The following SLC4A4 variants were observed in gnomAD, a reference collection of about 807,000 sequenced individuals.
SLC4A4 encodes electrogenic sodium bicarbonate cotransporter 1.
A neutral mutation model predicts 111.5 loss-of-function variants in SLC4A4; 27 were observed. The observed-to-expected ratio is 0.24, with a 90% CI of 0.18 to 0.33. The LOEUF (loss-of-function observed/expected upper bound fraction) is 0.33, where lower values mean the gene tolerates loss of function less well. SLC4A4 is among the 10% of genes least tolerant of loss of function. The probability of loss-of-function intolerance (pLI) is 1.00; values close to 1 mark genes in which losing one functional copy is unlikely to be tolerated. For missense variants in SLC4A4, 909 were observed against 1,315.5 expected, an observed-to-expected ratio of 0.69 and a Z score of 4.78; for synonymous variants, 443 against 463.4, an observed-to-expected ratio of 0.96 and a Z score of 0.57.
intron 12 of SLC4A4, among the ~76,000 whole-genome samples, chr4:71,464,299 C>G (rs905521265): frequency 6.6e-6 from 1 of 152,198 alleles, no homozygotes; most frequent in Admixed American, 6.5e-5. Flanking sequence ...TATCACTTAA[C>G]TCCCTTGAAT....
At chr4:71,300,023 G>T (rs375979924) in intron 3 of SLC4A4, among the ~76,000 whole-genome samples, 1 of 152,338 alleles carries the variant, frequency 6.6e-6, no homozygotes, top group African/African-American at 2.4e-5. Flanking sequence ...CTTGATGAGA[G>T]GGCAGGAGGA....
At chr4:71,443,114 C>CTATATATA (rs1463451571) in intron 8 of SLC4A4, among the ~76,000 whole-genome samples, 28 of 90,264 alleles carry the variant, frequency 3.1e-4, no homozygotes, top group South Asian at 3.9e-4. Flanking sequence ...CTCTCTCTCT[C>CTATATATA]TCTATATATA....
At chr4:71,094,477 T>G (rs1560716023) in intron 2 of SLC4A4, among the ~76,000 whole-genome samples, 1 of 152,244 alleles carries the variant, frequency 6.6e-6, no homozygotes, top group Non-Finnish European at 1.5e-5. Context: ...TCAAGGAGAT[T>G]TACATTCAGC....
chr4:71,463,644 T>G (rs1457156271), intron 12 of SLC4A4, among the ~76,000 whole-genome samples: 1 of 152,168 alleles, frequency 6.6e-6, no homozygotes, highest in Non-Finnish European at 1.5e-5. Flanking sequence ...ATCAAAGTGG[T>G]TTTCTGGAAG....
chr4:71,090,704 TG>T (rs1359351479), intron 1 of SLC4A4, among the ~76,000 whole-genome samples: 1 of 152,202 alleles, frequency 6.6e-6, no homozygotes, highest in Non-Finnish European at 1.5e-5. Context: ...TGTTCTTTGC[TG>T]GGAAAAATGC....
chr4:71,336,211 C>T (rs1020267108), intron 3 of SLC4A4, among the ~76,000 whole-genome samples: 10 of 152,146 alleles, frequency 6.6e-5, no homozygotes, highest in Non-Finnish European at 1.0e-4. Flanking sequence ...AACCATATAA[C>T]ACTGAAAGTG....
At chr4:71,394,312 A>T (rs1418921949) in intron 6 of SLC4A4, among the ~76,000 whole-genome samples, 1 of 152,076 alleles carries the variant, frequency 6.6e-6, no homozygotes, top group Non-Finnish European at 1.5e-5. Flanking sequence ...TAGTAAGGAA[A>T]AAAAAATCCC....
chr4:71,164,946 G>GA (rs898269413), intron 2 of SLC4A4, among the ~76,000 whole-genome samples: 1 of 152,052 alleles, frequency 6.6e-6, no homozygotes, highest in Non-Finnish European at 1.5e-5. Context: ...ACAAATATAT[G>GA]AAAAAAAGCT....
At chr4:71,402,745 A>G (rs766370463) in intron 7 of SLC4A4, among the ~76,000 whole-genome samples, 19 of 152,222 alleles carry the variant, frequency 1.2e-4, no homozygotes, top group African/African-American at 1.7e-4. Flanking sequence ...CTCAGCACCT[A>G]CAGCTTTCCT....
chr4:71,119,817 C>T (rs576820402), intron 2 of SLC4A4, among the ~76,000 whole-genome samples: 4 of 152,230 alleles, frequency 2.6e-5, no homozygotes, highest in African/African-American at 4.8e-5. Context: ...GTCTCTCAAA[C>T]GCTGTAGTAT....
intron 1 of SLC4A4, among the ~76,000 whole-genome samples, chr4:71,083,881 T>A (rs1742067434): frequency 6.7e-6 from 1 of 150,192 alleles, no homozygotes; most frequent in Non-Finnish European, 1.5e-5. Context: ...GTGCATTGCC[T>A]GGCACATGGT....
chr4:71,398,411 A>T (rs4694394), intron 7 of SLC4A4, among the ~76,000 whole-genome samples: 92,631 of 152,014 alleles, frequency 0.61, 30,872 homozygotes, highest in Non-Finnish European at 0.75. Flanking sequence ...CTATTAAAAC[A>T]TATAGTTGAA....
At chr4:71,086,316 G>A (rs1742170557) in intron 1 of SLC4A4, among the ~76,000 whole-genome samples, 1 of 151,622 alleles carries the variant, frequency 6.6e-6, no homozygotes, top group South Asian at 2.1e-4. Context: ...TAAGACGATG[G>A]GGTTTTCTAG....
At position 71,460,576 on chromosome 4, in the gene SLC4A4, G is replaced by A. The variant is rs914822079; in HGVS notation, c.1498-5868G>A. Among the ~76,000 whole-genome samples the A allele has an allele frequency of 3.9e-5, 6 of 152,104 alleles. No individual in the cohort carries two copies. The East Asian group carries it at 5.8e-4, about 15-fold the overall frequency. ...GACGACAAAGTACTTTAGGCAGAGC[G>A]GGTGGCAATAAGGATTTGGCAGCTG... On this transcript the variant is annotated intron_variant, in intron 12 of 25. Coordinates refer to ENST00000264485, the MANE Select transcript of SLC4A4 (RefSeq NM_001098484.3).
chr4:71,299,998 T>C (rs972355385), intron 3 of SLC4A4, among the ~76,000 whole-genome samples: 5 of 152,138 alleles, frequency 3.3e-5, no homozygotes, highest in Non-Finnish European at 7.4e-5. Flanking sequence ...TTCTTAATTC[T>C]TTAGTCTGGA....
chr4:71,516,231 G>A (rs1732383224), intron 16 of SLC4A4, among the ~76,000 whole-genome samples: 2 of 150,894 alleles, frequency 1.3e-5, no homozygotes, highest in Admixed American at 6.6e-5. Flanking sequence ...GAGTAGCTGG[G>A]ACTATAGGCA....
intron 2 of SLC4A4, among the ~76,000 whole-genome samples, chr4:71,243,103 G>A (rs910150885): frequency 2.4e-4 from 37 of 152,240 alleles, no homozygotes; most frequent in African/African-American, 3.9e-4. Flanking sequence ...TGGGTAAAAC[G>A]CAAATCTTGT....
At chr4:71,248,541 T>C (rs1285008530) in intron 2 of SLC4A4, among the ~76,000 whole-genome samples, 1 of 151,944 alleles carries the variant, frequency 6.6e-6, no homozygotes, top group Non-Finnish European at 1.5e-5. Flanking sequence ...ACTTTGAAGA[T>C]TGAAAAGCTC....
At chr4:71,292,552 T>C (rs1476731572) in intron 3 of SLC4A4, among the ~76,000 whole-genome samples, 1 of 152,216 alleles carries the variant, frequency 6.6e-6, no homozygotes, top group East Asian at 1.9e-4. Context: ...CTATAAAATG[T>C]AATTTAGACA....
Sources: gnomAD v4.1 joint callset for allele counts (sites outside exome capture counted in the v4.1 genomes callset) on GRCh38, gnomAD v4.1.1 for gene constraint, MANE v1.5 for transcripts, NCBI Gene and HGNC (gene_info 2026-07-23, HGNC 2026-07-21) for gene names.